TCERG1L: variants seen among roughly 807,000 people sequenced by gnomAD.
The protein encoded by TCERG1L is transcription elongation regulator 1 like, also known as transcription elongation regulator 1-like protein.
In TCERG1L, 37 loss-of-function variants were observed where a neutral mutation model predicts 56.3. That is an observed-to-expected ratio of 0.66 (90% CI 0.51 to 0.87). TCERG1L has a LOEUF of 0.87. Ranked by LOEUF, TCERG1L falls within the 40% of genes least tolerant of loss-of-function variation. TCERG1L has a pLI of 0.00. For missense variants in TCERG1L, 799 were observed against 774.2 expected (o/e 1.03, Z -0.38); for synonymous variants, 324 against 326.3 (o/e 0.99, Z 0.08).
rs150136737 is a variant in TCERG1L, at chr10:131,297,730, A to G, written c.670+10481T>C. Among the ~76,000 whole-genome samples, 28 of 152,344 alleles carry G rather than the reference A, an allele frequency of 1.8e-4. No homozygotes were observed. In the East Asian group the frequency reaches 5.2e-3, roughly 28 times the overall value. ...AATGTTTTCCTGTTGGAAGAGTTAAATCATAAATTTACTGTTTTTATCAGA... is the reference window on the plus strand; with the variant it reads ...AATGTTTTCCTGTTGGAAGAGTTAAGTCATAAATTTACTGTTTTTATCAGA... On this transcript the variant is annotated intron_variant, in intron 3 of 11. Transcript: ENST00000368642.
intron 4 of TCERG1L, among the ~76,000 whole-genome samples, chr10:131,256,212 C>G (rs1254268163): frequency 1.3e-5 from 2 of 152,160 alleles, no homozygotes; most frequent in African/African-American, 4.8e-5. Context: ...GTCTGAATTA[C>G]TGTTGTTATA....
At chr10:131,282,137 G>GAAA (rs543405432) in intron 3 of TCERG1L, among the ~76,000 whole-genome samples, 1 of 92,540 alleles carries the variant, frequency 1.1e-5, no homozygotes, top group Non-Finnish European at 2.1e-5. Context: ...CTCCATCTCA[G>GAAA]AAAAAAAAAA....
intron 4 of TCERG1L, among the ~76,000 whole-genome samples, chr10:131,187,503 G>A (rs890816038): frequency 2.6e-5 from 4 of 152,218 alleles, no homozygotes; most frequent in East Asian, 1.9e-4. Context: ...CAGGGCCGGC[G>A]CCCATCTCCC....
chr10:131,127,957 A>G (rs899925337), intron 8 of TCERG1L, among the ~76,000 whole-genome samples: 2 of 152,234 alleles, frequency 1.3e-5, no homozygotes, highest in Non-Finnish European at 2.9e-5. Flanking sequence ...AACCACAGGG[A>G]AGCATACCCA....
intron 8 of TCERG1L, among the ~76,000 whole-genome samples, chr10:131,119,126 T>A (rs1845488244): frequency 1.3e-5 from 2 of 152,134 alleles, no homozygotes; most frequent in Admixed American, 6.5e-5. Context: ...CGTCCAGGCC[T>A]CCCAACACCT....
intron 9 of TCERG1L, among the ~76,000 whole-genome samples, chr10:131,114,164 G>A (rs934634374): frequency 7.0e-6 from 1 of 142,022 alleles, no homozygotes; most frequent in Non-Finnish European, 1.6e-5. Flanking sequence ...CACTCCACAA[G>A]TACATGAATT....
chr10:131,134,915 A>G (rs1441514713), intron 7 of TCERG1L, among the ~76,000 whole-genome samples: 7 of 152,168 alleles, frequency 4.6e-5, no homozygotes, highest in African/African-American at 7.2e-5. Flanking sequence ...ACAGATAACG[A>G]GATTCCCCTA....
chr10:131,093,392 C>T (rs769373459), intron 11 of TCERG1L, 74 bp from the exon 12 acceptor site: 1 of 1,548,134 alleles, frequency 6.5e-7, no homozygotes, highest in Non-Finnish European at 8.8e-7. Flanking sequence ...TGCAGCGGCA[C>T]CGCCTGAGCA....
At chr10:131,238,101 C>T (rs1028786629) in intron 4 of TCERG1L, among the ~76,000 whole-genome samples, 1 of 152,166 alleles carries the variant, frequency 6.6e-6, no homozygotes, top group African/African-American at 2.4e-5. Context: ...TCTTCCACCT[C>T]ACAGCCTGGC....
chr10:131,254,812 G>T (rs915365945), intron 4 of TCERG1L, among the ~76,000 whole-genome samples: 1 of 152,198 alleles, frequency 6.6e-6, no homozygotes, highest in African/African-American at 2.4e-5. Context: ...GTGGCAGGGG[G>T]TGAAAAAGGT....
chr10:131,242,228 C>T (rs532414673), intron 4 of TCERG1L, among the ~76,000 whole-genome samples: 4 of 152,196 alleles, frequency 2.6e-5, no homozygotes, highest in Admixed American at 2.6e-4. Context: ...GCGTTGCAGC[C>T]GCCAGGAGGA....
At chr10:131,277,265 T>C (rs1477299000) in intron 3 of TCERG1L, among the ~76,000 whole-genome samples, 1 of 152,148 alleles carries the variant, frequency 6.6e-6, no homozygotes, top group South Asian at 2.1e-4. Flanking sequence ...GGAAGGTGGA[T>C]TGGCGAGGTT....
At chr10:131,171,080 G>A (rs550080436) in intron 4 of TCERG1L, among the ~76,000 whole-genome samples, 2 of 152,158 alleles carry the variant, frequency 1.3e-5, no homozygotes, top group African/African-American at 2.4e-5. Flanking sequence ...GGGAGGCGGA[G>A]GTTGCAGTGA....
chr10:131,129,847 A>G (rs555958755), intron 8 of TCERG1L, among the ~76,000 whole-genome samples: 38 of 152,294 alleles, frequency 2.5e-4, no homozygotes, highest in African/African-American at 8.9e-4. Flanking sequence ...GAAACTTTCA[A>G]TCTTGGCGGA....
At chr10:131,302,478 TC>T (rs1846774260) in intron 3 of TCERG1L, among the ~76,000 whole-genome samples, 1 of 151,974 alleles carries the variant, frequency 6.6e-6, no homozygotes, top group South Asian at 2.1e-4. Context: ...CCAAAATATT[TC>T]CCCCAAAACA....
At chr10:131,100,614 T>C (rs944514372) in intron 10 of TCERG1L, among the ~76,000 whole-genome samples, 1 of 152,198 alleles carries the variant, frequency 6.6e-6, no homozygotes, top group Non-Finnish European at 1.5e-5. Context: ...TTTGTTGCCA[T>C]AGAAACAGGC....
At chr10:131,194,233 C>T (rs762550437) in intron 4 of TCERG1L, among the ~76,000 whole-genome samples, 4 of 152,214 alleles carry the variant, frequency 2.6e-5, no homozygotes, top group Non-Finnish European at 5.9e-5. Flanking sequence ...CTGTTCTTGG[C>T]GGTGCAGAGT....
chr10:131,231,049 C>T (rs1012830552), intron 4 of TCERG1L, among the ~76,000 whole-genome samples: 1 of 150,756 alleles, frequency 6.6e-6, no homozygotes, highest in African/African-American at 2.4e-5. Context: ...CTGAACACTG[C>T]ATGACTGTTA....
At chr10:131,153,471 C>G (rs983950495) in intron 6 of TCERG1L, among the ~76,000 whole-genome samples, 5 of 152,216 alleles carry the variant, frequency 3.3e-5, no homozygotes, top group African/African-American at 1.2e-4. Flanking sequence ...TCGTGGAATG[C>G]TCCAGGCGGC....
Sources: allele counts gnomAD v4.1 joint callset (sites outside exome capture counted in the v4.1 genomes callset), GRCh38; gene constraint gnomAD v4.1.1; transcripts MANE v1.5; gene names NCBI Gene and HGNC (gene_info 2026-07-23, HGNC 2026-07-21).